The following LRRC38 variants were observed in gnomAD, a reference collection of about 807,000 sequenced individuals.
The protein encoded by LRRC38 is leucine rich repeat containing 38.
In LRRC38, 5 loss-of-function variants were observed where a neutral mutation model predicts 16.4. The observed-to-expected ratio is 0.31, with a 90% CI of 0.16 to 0.64. LRRC38 has a LOEUF of 0.64. Ranked by LOEUF, LRRC38 falls within the 30% of genes least tolerant of loss-of-function variation. The pLI is 0.80. For missense variants in LRRC38, 341 were observed against 401.8 expected (o/e 0.85, Z 1.29); for synonymous variants, 191 against 190.2 (o/e 1.00, Z -0.04).
intron 1 of LRRC38, among the ~76,000 whole-genome samples, chr1:13,476,431 C>T (rs970257560): frequency 4.6e-5 from 7 of 152,156 alleles, no homozygotes; most frequent in South Asian, 2.1e-4. Flanking sequence ...CGGGTTCAAG[C>T]GATTCTCCTG....
intron 1 of LRRC38, among the ~76,000 whole-genome samples, chr1:13,485,233 C>T (rs1026954588): frequency 1.4e-5 from 2 of 147,920 alleles, no homozygotes; most frequent in Non-Finnish European, 3.0e-5. Flanking sequence ...GCCAAGATCG[C>T]GCCATTGTAC....
chr1:13,499,754 G>A (rs756658686), intron 1 of LRRC38, among the ~76,000 whole-genome samples: 1 of 152,200 alleles, frequency 6.6e-6, no homozygotes. Context: ...ATGAGGCAGA[G>A]AGGCAGCAGG....
intron 1 of LRRC38, among the ~76,000 whole-genome samples, chr1:13,482,487 G>T (rs1638881359): frequency 6.6e-6 from 1 of 151,844 alleles, no homozygotes; most frequent in African/African-American, 2.4e-5. Context: ...GGCTGAGACA[G>T]GAAAATTTCT....
chr1:13,486,095 C>G (rs1274035125), intron 1 of LRRC38, among the ~76,000 whole-genome samples: 2 of 152,112 alleles, frequency 1.3e-5, no homozygotes, highest in African/African-American at 2.4e-5. Context: ...CCCACCACCA[C>G]GCCCGGCTAA....
In LRRC38 at chr1:13,476,020, G is replaced by A. The variant is rs543544206; in HGVS notation, c.711C>T (p.Ser237=). The A allele has an allele frequency of 3.9e-5, 60 of 1,550,506 alleles. No individual in the cohort carries two copies. The highest frequency in any genetic ancestry group is 1.4e-4 in the Admixed American group (7 of 50,988). ...SLRELSEASF[S]ECRFSLSLTD... ...TGAGTGACAGGCTGAACCTACACTC[G>A]CTGAAGCTGGCCTCCGACAGCTCAC... The change falls in exon 2 of 2, where the codon AGC becomes AGT. Residue 237 remains serine (S), a synonymous_variant. Coordinates refer to ENST00000376085, the MANE Select transcript of LRRC38 (RefSeq NM_001010847.2).
intron 1 of LRRC38, among the ~76,000 whole-genome samples, chr1:13,493,571 T>TG (rs1328396986): frequency 2.0e-5 from 3 of 152,084 alleles, no homozygotes; most frequent in African/African-American, 7.2e-5. Flanking sequence ...GTTCTTGGGA[T>TG]GGGGGGATTA....
chr1:13,500,881 G>A (rs1211650741), intron 1 of LRRC38, among the ~76,000 whole-genome samples: 1 of 152,144 alleles, frequency 6.6e-6, no homozygotes, highest in Non-Finnish European at 1.5e-5. Context: ...TAGAGGCAGC[G>A]AAAAGATCAG....
chr1:13,501,300 T>C (rs74547280), intron 1 of LRRC38, among the ~76,000 whole-genome samples: 2,307 of 152,234 alleles, frequency 0.015, 55 homozygotes, highest in African/African-American at 0.051. Context: ...TAATGCAAGA[T>C]GTTAAAAGAG....
chr1:13,503,773 G>A (rs752988809), intron 1 of LRRC38, among the ~76,000 whole-genome samples: 5 of 152,164 alleles, frequency 3.3e-5, no homozygotes, highest in South Asian at 2.1e-4. Flanking sequence ...GTTGGAGCCC[G>A]GATTGGGACC....
chr1:13,513,266 C>A lies in LRRC38; in HGVS notation c.328G>T (p.Asp110Tyr). The A allele has an allele frequency of 6.5e-7, 1 of 1,550,348 alleles. No individual in the cohort carries two copies. The highest frequency in any genetic ancestry group is 8.7e-7 in the Non-Finnish European group (1 of 1,146,932). The change falls in exon 1 of 2, where the codon GAC becomes TAC. Residue 110 changes from aspartate (D) to tyrosine (Y), a missense_variant. Asp to Tyr is a radical substitution (Grantham distance 160). Coordinates refer to ENST00000376085, the MANE Select transcript of LRRC38 (RefSeq NM_001010847.2). ...FSGSAKLVFL[D>Y]LSYNNLTQLG... ...TGGGTCAAGTTGTTGTAGCTGAGGT[C>A]GAGGAACACGAGCTTGGCCGAGCCG...
intron 1 of LRRC38, among the ~76,000 whole-genome samples, chr1:13,494,398 CT>C (rs34023623): frequency 0.38 from 47,356 of 123,822 alleles, 7,894 homozygotes; most frequent in East Asian, 0.57. Flanking sequence ...CTGTGCTAGA[CT>C]TTTTTTTTTT....
At chr1:13,486,747 C>T (rs776096767) in intron 1 of LRRC38, among the ~76,000 whole-genome samples, 6 of 152,190 alleles carry the variant, frequency 3.9e-5, no homozygotes, top group Non-Finnish European at 5.9e-5. Flanking sequence ...CACACCACCA[C>T]GCCCAGCTAA....
At chr1:13,502,094 A>AT (rs58436602) in intron 1 of LRRC38, among the ~76,000 whole-genome samples, 23,794 of 133,810 alleles carry the variant, frequency 0.18, 2,591 homozygotes, top group East Asian at 0.48. Flanking sequence ...CGCCCAGCCA[A>AT]TTTTTTTTTT....
chr1:13,485,657 A>G lies in LRRC38; in HGVS notation c.632-9558T>C, dbSNP rs568457686. Among the ~76,000 whole-genome samples, 63 of 152,154 alleles carry G rather than the reference A, an allele frequency of 4.1e-4. 1 individual carries two copies. The highest frequency in any genetic ancestry group is 4.3e-4 in the Non-Finnish European group (29 of 68,000). On this transcript the variant is annotated intron_variant, in intron 1 of 1. Coordinates refer to ENST00000376085, the MANE Select transcript of LRRC38 (RefSeq NM_001010847.2). ...CCTACGATTATGCCAAAGCTGCACAATGTCTTGTCAATCTGGTTTGGGGCC... is the reference window on the plus strand; with the variant it reads ...CCTACGATTATGCCAAAGCTGCACAGTGTCTTGTCAATCTGGTTTGGGGCC...
chr1:13,504,166 T>C (rs969117712), intron 1 of LRRC38, among the ~76,000 whole-genome samples: 2 of 152,170 alleles, frequency 1.3e-5, no homozygotes, highest in Non-Finnish European at 2.9e-5. Context: ...ATGGAGGAAA[T>C]TGCTCAAAAG....
intron 1 of LRRC38, among the ~76,000 whole-genome samples, chr1:13,491,722 C>T (rs1284076009): frequency 1.3e-5 from 2 of 152,082 alleles, no homozygotes; most frequent in African/African-American, 4.8e-5. Context: ...GTCACTCAGG[C>T]TGGAGTGCAG....
intron 1 of LRRC38, among the ~76,000 whole-genome samples, chr1:13,502,846 C>T (rs956211737): frequency 6.6e-6 from 1 of 152,198 alleles, no homozygotes; most frequent in Non-Finnish European, 1.5e-5. Context: ...CAGGTGACCA[C>T]CTTCAACTTT....
chr1:13,497,978 A>G (rs930233239), intron 1 of LRRC38, among the ~76,000 whole-genome samples: 19 of 147,744 alleles, frequency 1.3e-4, no homozygotes, highest in South Asian at 2.1e-4. Flanking sequence ...AAAAAAAAAA[A>G]AAAAGAAACG....
rs546781310 is a variant in LRRC38 at position 13,497,944 on chromosome 1, G to A, written c.631+15019C>T. Among the ~76,000 whole-genome samples the A allele has an allele frequency of 1.8e-4, 18 of 99,828 alleles. No homozygotes were observed. In the South Asian group the frequency reaches 6.1e-3, roughly 34 times the overall value. The allele number at this position is 99,828 out of a possible 152,430, so 65.5% of individuals were successfully genotyped here. A position where few individuals can be genotyped will look rare whatever the true frequency, so the allele number is the denominator to read the frequency against. The stretch of plus-strand genomic sequence containing the variant: ...CATTGCACTTCAGCCTGGGCAACAA[G>A]AGTGAAAAACTCCATCACAAAAAAA... On this transcript the variant is annotated intron_variant, in intron 1 of 1. Coordinates refer to ENST00000376085, the MANE Select transcript of LRRC38 (RefSeq NM_001010847.2).
Sources: gnomAD v4.1 joint callset for allele counts (sites outside exome capture counted in the v4.1 genomes callset) on GRCh38, gnomAD v4.1.1 for gene constraint, MANE v1.5 for transcripts, NCBI Gene and HGNC (gene_info 2026-07-23, HGNC 2026-07-21) for gene names.